Variants in PDE10A observed in about 807,000 individuals in gnomAD.
PDE10A encodes cAMP and cAMP-inhibited cGMP 3',5'-cyclic phosphodiesterase 10A.
In PDE10A, 39 loss-of-function variants were observed where a neutral mutation model predicts 97.7. The observed-to-expected ratio is 0.40, with a 90% confidence interval of 0.31 to 0.52. The LOEUF (loss-of-function observed/expected upper bound fraction) is 0.52. PDE10A is among the 20% of genes least tolerant of loss of function. The probability of loss-of-function intolerance (pLI) is 0.56; values close to 1 mark genes in which losing one functional copy is unlikely to be tolerated. For missense variants in PDE10A, 731 were observed against 1,047.8 expected (o/e 0.70, Z 4.17); for synonymous variants, 371 against 376.8 (o/e 0.98, Z 0.18).
intron 13 of PDE10A, among the ~76,000 whole-genome samples, chr6:165,404,902 T>C (rs1786999127): frequency 2.0e-5 from 3 of 152,148 alleles, no homozygotes; most frequent in Admixed American, 6.5e-5. Flanking sequence ...TCTGTTTCTT[T>C]CTCAGTAGAG....
intron 17 of PDE10A, among the ~76,000 whole-genome samples, chr6:165,386,111 T>C (rs1299823191): frequency 6.6e-6 from 1 of 152,072 alleles, no homozygotes; most frequent in African/African-American, 2.4e-5. Flanking sequence ...TTCTGATCTG[T>C]TTTTAGGAAC....
chr6:165,971,246 G>T (rs1303072432), intron 1 of PDE10A, among the ~76,000 whole-genome samples: 2 of 152,094 alleles, frequency 1.3e-5, no homozygotes, highest in Non-Finnish European at 2.9e-5. Flanking sequence ...GATTCTGATT[G>T]TTAAATACAT....
chr6:165,867,125 C>A (rs1336341120), intron 1 of PDE10A, among the ~76,000 whole-genome samples: 2 of 150,646 alleles, frequency 1.3e-5, no homozygotes, highest in African/African-American at 4.9e-5. Flanking sequence ...AATGTACAAA[C>A]AATCAGAAAA....
At chr6:165,526,901 A>T (rs1782480710) in intron 2 of PDE10A, among the ~76,000 whole-genome samples, 1 of 152,212 alleles carries the variant, frequency 6.6e-6, no homozygotes, top group African/African-American at 2.4e-5. Flanking sequence ...TTTGTGTCAC[A>T]ATCTTATTCG....
chr6:165,590,235 T>C (rs941730456), intron 1 of PDE10A, among the ~76,000 whole-genome samples: 2 of 152,216 alleles, frequency 1.3e-5, no homozygotes, highest in African/African-American at 4.8e-5. Context: ...CATTGGGTAG[T>C]CACATGTGTT....
chr6:165,923,986 G>GGGATTCAAGACCAA (rs1782840785), intron 1 of PDE10A, among the ~76,000 whole-genome samples: 3 of 152,200 alleles, frequency 2.0e-5, no homozygotes, highest in African/African-American at 2.4e-5. Context: ...TTCAAGACCA[G>GGGATTCAAGACCAA]CCTGGGCAAC....
chr6:165,777,364 T>G (rs1264806716), intron 1 of PDE10A, among the ~76,000 whole-genome samples: 1 of 152,226 alleles, frequency 6.6e-6, no homozygotes. Flanking sequence ...AGGTGAATGA[T>G]TCTTCTCCGC....
chr6:165,842,465 C>T (rs1456807125), intron 1 of PDE10A, among the ~76,000 whole-genome samples: 1 of 152,356 alleles, frequency 6.6e-6, no homozygotes, highest in South Asian at 2.1e-4. Flanking sequence ...ATCCAGCTCC[C>T]TTGCATGCTG....
rs904874233 is a variant in PDE10A at position 165,714,903 on chromosome 6, C to T, written c.-614-171335G>A. ...CTGAGGCTCCACCACTGGGGAGCAC[C>T]CCCTTCCCCAGCCCAGGGCAAGTAG... On this transcript the variant is annotated intron_variant, in intron 1 of 19. Transcript: ENST00000366882. 2.0e-5 allele frequency among the ~76,000 whole-genome samples: 3 copies of T among 151,532 alleles called. No individual in the cohort carries two copies. The East Asian group carries it at 5.9e-4, about 30-fold the overall frequency.
intron 18 of PDE10A, among the ~76,000 whole-genome samples, chr6:165,356,165 C>G (rs1370773620): frequency 1.3e-5 from 2 of 152,264 alleles, no homozygotes; most frequent in East Asian, 3.9e-4. Flanking sequence ...TCACCGCTCA[C>G]CAGGCCCCTC....
intron 18 of PDE10A, among the ~76,000 whole-genome samples, chr6:165,366,343 C>T (rs911106828): frequency 3.5e-4 from 53 of 152,168 alleles, no homozygotes; most frequent in African/African-American, 1.1e-3. Context: ...TTGTAGATGA[C>T]ATTACTATAT....
At chr6:165,790,165 C>A (rs1331684941) in intron 1 of PDE10A, among the ~76,000 whole-genome samples, 3 of 152,156 alleles carry the variant, frequency 2.0e-5, no homozygotes. Flanking sequence ...TAGTAAAATA[C>A]TTTGTGGCTA....
In PDE10A at chr6:165,355,399, C is replaced by G. The variant is rs550316025; in HGVS notation, c.2784-11897G>C. ...CAGCAACTGCCAGTTTAAATTCCAG[C>G]ACAATCACTAACATTATTGTTTTGC... On this transcript the variant is annotated intron_variant, in intron 18 of 21. Coordinates refer to ENST00000539869, the MANE Select transcript of PDE10A (RefSeq NM_001385079.1). 6.8e-4 allele frequency among the ~76,000 whole-genome samples: 104 copies of G among 152,264 alleles called. 1 individual carries two copies. The highest frequency in any genetic ancestry group is 2.4e-3 in the African/African-American group (100 of 41,552).
intron 1 of PDE10A, among the ~76,000 whole-genome samples, chr6:165,725,818 ACAAGACGTATC>A (rs1322412876): frequency 6.6e-6 from 1 of 152,132 alleles, no homozygotes; most frequent in African/African-American, 2.4e-5. Flanking sequence ...CCTAGCAAGC[ACAAGACGTATC>A]CAACTTGTCC....
At chr6:165,970,509 T>C (rs1431016272) in intron 1 of PDE10A, among the ~76,000 whole-genome samples, 1 of 147,786 alleles carries the variant, frequency 6.8e-6, no homozygotes, top group African/African-American at 2.6e-5. Flanking sequence ...AAAATTTAAA[T>C]ATCTGTTTTT....
chr6:165,693,706 G>A (rs7747284), intron 1 of PDE10A, among the ~76,000 whole-genome samples: 11,911 of 152,006 alleles, frequency 0.078, 734 homozygotes, highest in East Asian at 0.26. Context: ...TTACTTGAAC[G>A]ATGTTCCCCA....
At chr6:165,746,465 C>T (rs559859808) in intron 1 of PDE10A, among the ~76,000 whole-genome samples, 2 of 152,346 alleles carry the variant, frequency 1.3e-5, no homozygotes, top group South Asian at 4.1e-4. Context: ...TTCACACAGG[C>T]CAGCCATGAA....
intron 1 of PDE10A, among the ~76,000 whole-genome samples, chr6:165,945,726 T>C (rs1783743750): frequency 6.6e-6 from 1 of 152,246 alleles, no homozygotes; most frequent in African/African-American, 2.4e-5. Flanking sequence ...CTGTTGTTTA[T>C]AGTATTTGAT....
chr6:165,823,301 A>T (rs1339867132), intron 1 of PDE10A, among the ~76,000 whole-genome samples: 1 of 149,608 alleles, frequency 6.7e-6, no homozygotes, highest in East Asian at 2.0e-4. Flanking sequence ...TTTGTGAAAA[A>T]CTAAGACACA....
Sources: allele counts gnomAD v4.1 joint callset (sites outside exome capture counted in the v4.1 genomes callset), GRCh38; gene constraint gnomAD v4.1.1; transcripts MANE v1.5; gene names NCBI Gene and HGNC (gene_info 2026-07-23, HGNC 2026-07-21).